CPED1: variants seen among roughly 807,000 people sequenced by gnomAD.
CPED1 encodes cadherin-like and PC-esterase domain-containing protein 1.
A neutral mutation model predicts 128.2 loss-of-function variants in CPED1; 114 were observed. The observed-to-expected ratio is 0.89, with a 90% CI of 0.76 to 1.04. CPED1 has a LOEUF of 1.04. Among genes scored for constraint, CPED1 ranks in the 50% least tolerant of loss-of-function variants. The pLI, the probability that CPED1 is intolerant of heterozygous loss-of-function variation, is 0.00. For missense variants in CPED1, 1,211 were observed against 1,207.1 expected (o/e 1.00, Z -0.05); for synonymous variants, 462 against 426.7 (o/e 1.08, Z -1.02).
In CPED1 at chr7:121,295,140, AACACACACACAC is replaced by A. The variant is rs35927183; in HGVS notation, c.2869-276_2869-265del. ...TGTATGTCAGTGTGCCTGGCCTGAA[AACACACACACAC>A]ACACACACACACACACACACACAAA... On this transcript the variant is annotated intron_variant, in intron 22 of 22. Coordinates refer to ENST00000310396, the MANE Select transcript of CPED1 (RefSeq NM_024913.5). 4.7e-3 allele frequency among the ~76,000 whole-genome samples: 686 copies of A among 145,864 alleles called. 7 individuals are homozygous for A. The highest frequency in any genetic ancestry group is 0.017 in the African/African-American group (660 of 38,712).
At chr7:121,275,297 A>G (rs1373377153) in intron 22 of CPED1, among the ~76,000 whole-genome samples, 1 of 152,072 alleles carries the variant, frequency 6.6e-6, no homozygotes, top group South Asian at 2.1e-4. Context: ...CAATTTCCCA[A>G]CTGGTGTGCA....
chr7:121,080,458 A>G (rs1295369169), intron 5 of CPED1, among the ~76,000 whole-genome samples: 1 of 149,886 alleles, frequency 6.7e-6, no homozygotes, highest in Non-Finnish European at 1.5e-5. Context: ...GCTTGCTTCA[A>G]AATAATGAGA....
At chr7:121,290,175 T>C (rs1792666761) in intron 22 of CPED1, among the ~76,000 whole-genome samples, 1 of 152,254 alleles carries the variant, frequency 6.6e-6, no homozygotes, top group Admixed American at 6.5e-5. Context: ...CCATGGTATA[T>C]ACGTGCCACA....
chr7:121,001,270 G>A (rs764992845), intron 2 of CPED1, among the ~76,000 whole-genome samples: 1 of 152,076 alleles, frequency 6.6e-6, no homozygotes, highest in Non-Finnish European at 1.5e-5. Context: ...TTGACTGCCA[G>A]GAGTCAGAAT....
intron 22 of CPED1, among the ~76,000 whole-genome samples, chr7:121,280,456 A>C (rs753207639): frequency 1.3e-5 from 2 of 152,198 alleles, no homozygotes; most frequent in Non-Finnish European, 2.9e-5. Context: ...CAGGAGTTAC[A>C]AAGCCTCAGC....
chr7:121,067,795 T>C (rs1793881487), intron 5 of CPED1, among the ~76,000 whole-genome samples: 1 of 152,242 alleles, frequency 6.6e-6, no homozygotes, highest in Non-Finnish European at 1.5e-5. Context: ...GACTTTTTAA[T>C]GATGGCCATT....
Position 121,266,335 on chromosome 7 carries a change from CACA to C in CPED1, c.2422_2424del (p.Asn808del). 2.5e-6 allele frequency: 4 copies of C among 1,613,162 alleles called. No individual in the cohort carries two copies. The highest frequency in any genetic ancestry group is 2.5e-6 in the Non-Finnish European group (3 of 1,179,384). ...GAAAGTACATGGCACTAAATTCTAT[CACA>C]ACGTCAATGGTGGGAAGACTTTGAT... is the stretch of plus-strand genomic sequence containing the variant. On this transcript the variant is annotated inframe_deletion, in exon 19 of 23. Coordinates refer to ENST00000310396, the MANE Select transcript of CPED1 (RefSeq NM_024913.5).
chr7:120,990,375 C>T (rs1364619279), intron 2 of CPED1, among the ~76,000 whole-genome samples: 3 of 151,870 alleles, frequency 2.0e-5, no homozygotes, highest in Non-Finnish European at 4.4e-5. Flanking sequence ...ATATTTACTT[C>T]GAAAGCATTA....
intron 16 of CPED1, among the ~76,000 whole-genome samples, chr7:121,172,103 T>C (rs1796660342): frequency 6.6e-6 from 1 of 152,168 alleles, no homozygotes; most frequent in Non-Finnish European, 1.5e-5. Context: ...GTCAAACAGC[T>C]TGTGGTCACT....
chr7:121,237,442 C>T (rs1183790654), intron 17 of CPED1, among the ~76,000 whole-genome samples: 1 of 152,104 alleles, frequency 6.6e-6, no homozygotes, highest in Non-Finnish European at 1.5e-5. Context: ...TTTATAGAGG[C>T]AAGAAAATTG....
intron 7 of CPED1, among the ~76,000 whole-genome samples, chr7:121,123,958 T>G (rs752760111): frequency 1.3e-5 from 2 of 152,192 alleles, no homozygotes; most frequent in Non-Finnish European, 2.9e-5. Context: ...TGGTAGATAT[T>G]AATCCCAATT....
intron 22 of CPED1, among the ~76,000 whole-genome samples, chr7:121,284,619 G>A (rs1792528452): frequency 6.6e-6 from 1 of 152,118 alleles, no homozygotes; most frequent in Non-Finnish European, 1.5e-5. Flanking sequence ...CAAAACAAAG[G>A]GGCTAGAGGC....
chr7:121,266,191 A>C, intron 18 of CPED1, 36 bp from the exon 19 acceptor site: 1 of 1,507,042 alleles, frequency 6.6e-7, no homozygotes, highest in Admixed American at 1.7e-5. Flanking sequence ...ATGTAAACAT[A>C]AGCTTTTAAA....
chr7:121,171,380 A>G (rs1230883697), intron 16 of CPED1, among the ~76,000 whole-genome samples: 1 of 152,198 alleles, frequency 6.6e-6, no homozygotes, highest in East Asian at 1.9e-4. Flanking sequence ...AGGAATCCAT[A>G]AACACTTATT....
intron 16 of CPED1, among the ~76,000 whole-genome samples, chr7:121,169,158 T>C (rs1341563094): frequency 6.6e-6 from 1 of 152,182 alleles, no homozygotes; most frequent in African/African-American, 2.4e-5. Context: ...AGTTTCAACA[T>C]TAAATAGGTT....
At chr7:121,128,074 G>A (rs1385314250) in intron 10 of CPED1, among the ~76,000 whole-genome samples, 2 of 152,026 alleles carry the variant, frequency 1.3e-5, no homozygotes, top group African/African-American at 2.4e-5. Flanking sequence ...TTGGGCAAAT[G>A]CCAATGAATA....
intron 22 of CPED1, among the ~76,000 whole-genome samples, chr7:121,276,507 A>G (rs1288317830): frequency 6.6e-6 from 1 of 152,190 alleles, no homozygotes; most frequent in Admixed American, 6.6e-5. Context: ...CTATGCCCTC[A>G]GGACATTGCA....
chr7:121,259,016 A>G (rs6967129), intron 18 of CPED1, among the ~76,000 whole-genome samples: 44,757 of 152,000 alleles, frequency 0.29, 7,038 homozygotes, highest in Middle Eastern at 0.44. Flanking sequence ...TTAGAAAGTT[A>G]GGCCTTCAAA....
At position 121,089,055 on chromosome 7, in the gene CPED1, G is replaced by A. The variant is rs932095230; in HGVS notation, c.617-8644G>A. Among the ~76,000 whole-genome samples the A allele has an allele frequency of 1.8e-4, 28 of 152,262 alleles. 1 individual carries two copies. Among genetic ancestry groups the A allele is most frequent in the African/African-American group, 6.7e-4 (28 of 41,558 alleles). Reference sequence around the variant, plus strand: ...CCTCATCTATGAGGAGTGAACTCTTGTGTTATATGTCACTCAGCCAAACCT... The same window carrying A: ...CCTCATCTATGAGGAGTGAACTCTTATGTTATATGTCACTCAGCCAAACCT... On this transcript the variant is annotated intron_variant, in intron 5 of 22. Transcript: ENST00000310396.
Sources: allele counts gnomAD v4.1 joint callset (sites outside exome capture counted in the v4.1 genomes callset), GRCh38; gene constraint gnomAD v4.1.1; transcripts MANE v1.5; gene names NCBI Gene and HGNC (gene_info 2026-07-23, HGNC 2026-07-21).